The following SGCZ variants were observed in gnomAD, a reference collection of about 807,000 sequenced individuals.
SGCZ encodes zeta-sarcoglycan.
Under a neutral mutation model 41.3 loss-of-function variants are expected in SGCZ, and 40 were observed. The observed-to-expected ratio is 0.97, with a 90% confidence interval of 0.75 to 1.26. The LOEUF (loss-of-function observed/expected upper bound fraction) is 1.26, where lower values mean the gene tolerates loss of function less well. SGCZ is among the 50% of genes most tolerant of loss of function. The pLI is 0.00. For missense variants in SGCZ, 552 were observed against 369.8 expected, an observed-to-expected ratio of 1.49 and a Z score of -4.04; for synonymous variants, 206 against 137.5, an observed-to-expected ratio of 1.50 and a Z score of -3.49.
intron 1 of SGCZ, among the ~76,000 whole-genome samples, chr8:15,064,969 C>A (rs1439924882): frequency 6.6e-6 from 1 of 152,084 alleles, no homozygotes; most frequent in Admixed American, 6.5e-5. Flanking sequence ...TTTCCTGTGT[C>A]ATTTCCAGAG....
At chr8:14,773,858 G>T (rs1247283434) in intron 1 of SGCZ, among the ~76,000 whole-genome samples, 5 of 152,156 alleles carry the variant, frequency 3.3e-5, no homozygotes, top group Non-Finnish European at 7.4e-5. Flanking sequence ...AAGGGAAGTG[G>T]TAGACCTATG....
intron 1 of SGCZ, among the ~76,000 whole-genome samples, chr8:14,905,373 C>G (rs1438465341): frequency 6.6e-6 from 1 of 151,916 alleles, no homozygotes; most frequent in Non-Finnish European, 1.5e-5. Flanking sequence ...ATTAAGAAAA[C>G]TACGACATGA....
intron 1 of SGCZ, among the ~76,000 whole-genome samples, chr8:14,595,204 ACTACT>A (rs1400772541): frequency 6.6e-6 from 1 of 152,190 alleles, no homozygotes; most frequent in Non-Finnish European, 1.5e-5. Context: ...ACTGTCATCC[ACTACT>A]CTTTATGTAA....
chr8:15,149,248 T>C (rs749086406), intron 1 of SGCZ, among the ~76,000 whole-genome samples: 1 of 152,152 alleles, frequency 6.6e-6, no homozygotes, highest in East Asian at 1.9e-4. Flanking sequence ...GGATGAGGTC[T>C]GGAAGGGAAA....
chr8:15,092,288 T>C (rs1806181819), intron 1 of SGCZ, among the ~76,000 whole-genome samples: 1 of 152,196 alleles, frequency 6.6e-6, no homozygotes, highest in Non-Finnish European at 1.5e-5. Flanking sequence ...ATGCCAGAAT[T>C]CTAGAATCAG....
intron 2 of SGCZ, among the ~76,000 whole-genome samples, chr8:14,417,636 A>T (rs1456384570): frequency 6.6e-6 from 1 of 151,888 alleles, no homozygotes; most frequent in African/African-American, 2.4e-5. Context: ...AATAAACATA[A>T]AAATAACGAT....
intron 1 of SGCZ, among the ~76,000 whole-genome samples, chr8:14,661,260 G>A (rs1484599641): frequency 6.6e-6 from 1 of 152,046 alleles, no homozygotes; most frequent in Non-Finnish European, 1.5e-5. Flanking sequence ...ACTTAAAATA[G>A]AATATTAAGC....
intron 1 of SGCZ, among the ~76,000 whole-genome samples, chr8:14,961,856 T>C (rs1035572497): frequency 6.6e-6 from 1 of 152,168 alleles, no homozygotes; most frequent in African/African-American, 2.4e-5. Flanking sequence ...CTTCAAGGTA[T>C]ATGGCAATAG....
At chr8:14,973,809 T>C (rs1172547709) in intron 1 of SGCZ, among the ~76,000 whole-genome samples, 1 of 152,204 alleles carries the variant, frequency 6.6e-6, no homozygotes, top group African/African-American at 2.4e-5. Flanking sequence ...ATTCTGAATG[T>C]CTTTAATATT....
At chr8:14,582,687 T>C (rs960309597) in intron 1 of SGCZ, among the ~76,000 whole-genome samples, 39 of 119,580 alleles carry the variant, frequency 3.3e-4, no homozygotes, top group African/African-American at 1.3e-3. Flanking sequence ...GTCCCCAGAG[T>C]GTGATGTTCC....
chr8:14,376,791 C>T (rs1302450142), intron 2 of SGCZ, among the ~76,000 whole-genome samples: 4 of 152,070 alleles, frequency 2.6e-5, no homozygotes, highest in Admixed American at 2.6e-4. Context: ...AAAATTTTAG[C>T]TAGCAGAATT....
intron 2 of SGCZ, among the ~76,000 whole-genome samples, chr8:14,338,251 A>G (rs970460739): frequency 6.6e-6 from 1 of 152,186 alleles, no homozygotes; most frequent in African/African-American, 2.4e-5. Context: ...GTCATGCCAC[A>G]AGATGGGCCT....
chr8:15,012,769 G>A (rs910884803), intron 1 of SGCZ, among the ~76,000 whole-genome samples: 4 of 146,870 alleles, frequency 2.7e-5, no homozygotes, highest in Non-Finnish European at 6.0e-5. Flanking sequence ...ATATATAAAT[G>A]TAGGTATATA....
At chr8:14,306,257 CATT>C (rs1464151147) in intron 3 of SGCZ, among the ~76,000 whole-genome samples, 4 of 152,064 alleles carry the variant, frequency 2.6e-5, no homozygotes, top group African/African-American at 9.7e-5. Flanking sequence ...AATTCAATAA[CATT>C]ATAGATGGAC....
chr8:14,921,671 T>A (rs1799592362), intron 1 of SGCZ, among the ~76,000 whole-genome samples: 1 of 152,132 alleles, frequency 6.6e-6, no homozygotes, highest in African/African-American at 2.4e-5. Flanking sequence ...ATTGCACAAG[T>A]CCCTGACATC....
chr8:14,443,869 C>G (rs932541457), intron 2 of SGCZ, among the ~76,000 whole-genome samples: 20 of 152,246 alleles, frequency 1.3e-4, no homozygotes, highest in African/African-American at 4.8e-4. Flanking sequence ...TCAGAGTGAA[C>G]AGGCAACCTA....
At chr8:15,040,720 T>A (rs1477424929) in intron 1 of SGCZ, among the ~76,000 whole-genome samples, 1 of 152,154 alleles carries the variant, frequency 6.6e-6, no homozygotes, top group East Asian at 1.9e-4. Context: ...ATTATAAATG[T>A]TTTCCAATAA....
intron 2 of SGCZ, among the ~76,000 whole-genome samples, chr8:14,329,943 GT>G: frequency 6.6e-6 from 1 of 151,812 alleles, no homozygotes; most frequent in Middle Eastern, 3.4e-3. Context: ...ACAGCTCCAC[GT>G]TTTGCCATCA....
intron 1 of SGCZ, among the ~76,000 whole-genome samples, chr8:15,153,487 T>C (rs1429607194): frequency 3.3e-5 from 5 of 152,176 alleles, no homozygotes; most frequent in Admixed American, 3.3e-4. Context: ...TTTGAACATA[T>C]GTCCCCATCC....
Sources: allele counts gnomAD v4.1 joint callset (sites outside exome capture counted in the v4.1 genomes callset), GRCh38; gene constraint gnomAD v4.1.1; transcripts MANE v1.5; gene names NCBI Gene and HGNC (gene_info 2026-07-23, HGNC 2026-07-21).